Variants in DCDC2 observed in about 807,000 individuals in gnomAD.
DCDC2 encodes doublecortin domain containing 2.
DCDC2 carries 40 observed loss-of-function variants against 50.2 expected under a neutral mutation model. The ratio of observed to expected loss-of-function variants is 0.80; its 90% CI spans 0.62 to 1.04. The LOEUF is 1.04. Among genes scored for constraint, DCDC2 ranks in the 50% least tolerant of loss-of-function variants. The pLI is 0.00. For synonymous variants in DCDC2, 234 were observed against 210.6 expected (o/e 1.11, Z -0.96); for missense variants, 570 against 581.9 (o/e 0.98, Z 0.21).
chr6:24,182,433 A>C (rs1028289016), intron 8 of DCDC2, among the ~76,000 whole-genome samples: 9 of 152,112 alleles, frequency 5.9e-5, no homozygotes, highest in Non-Finnish European at 1.3e-4. Flanking sequence ...GATATCTAGA[A>C]TATATAGGGA....
At chr6:24,249,935 T>C (rs1406358838) in intron 7 of DCDC2, among the ~76,000 whole-genome samples, 5 of 152,238 alleles carry the variant, frequency 3.3e-5, no homozygotes, top group Admixed American at 6.5e-5. Context: ...GAATGAAATA[T>C]ATTGCTCACT....
At chr6:24,177,529 G>A (rs73726608) in intron 9 of DCDC2, among the ~76,000 whole-genome samples, 2,966 of 152,230 alleles carry the variant, frequency 0.019, 79 homozygotes, top group African/African-American at 0.062. Context: ...TTGAACTGAC[G>A]GATAGACAGG....
intron 7 of DCDC2, among the ~76,000 whole-genome samples, chr6:24,206,696 G>A (rs1761723293): frequency 6.6e-6 from 1 of 152,126 alleles, no homozygotes; most frequent in African/African-American, 2.4e-5. Flanking sequence ...TTTAGAATAA[G>A]CATTTTACCA....
chr6:24,289,861 T>G (rs1763700896), intron 5 of DCDC2, among the ~76,000 whole-genome samples: 1 of 151,816 alleles, frequency 6.6e-6, no homozygotes, highest in Non-Finnish European at 1.5e-5. Context: ...AAAAAAAATT[T>G]TTTTTTGCAA....
At chr6:24,275,866 ATTTTTTT>A (rs10685261) in intron 7 of DCDC2, among the ~76,000 whole-genome samples, 1 of 108,120 alleles carries the variant, frequency 9.2e-6, no homozygotes, top group Non-Finnish European at 1.8e-5. Flanking sequence ...CAATAATTCA[ATTTTTTT>A]TTTTTTTTTT....
intron 4 of DCDC2, among the ~76,000 whole-genome samples, chr6:24,292,201 T>C (rs1298016882): frequency 6.6e-6 from 1 of 152,168 alleles, no homozygotes; most frequent in African/African-American, 2.4e-5. Flanking sequence ...AAAATAAGTA[T>C]TAGAAAACTA....
chr6:24,355,350 T>A (rs1415047945), intron 1 of DCDC2, among the ~76,000 whole-genome samples: 1 of 152,134 alleles, frequency 6.6e-6, no homozygotes, highest in Non-Finnish European at 1.5e-5. Flanking sequence ...GTCTACAATT[T>A]TCAGCCGTTC....
chr6:24,353,428 T>C lies in DCDC2; in HGVS notation c.348+141A>G, dbSNP rs897636131. 9 of 661,744 alleles carry C rather than the reference T, an allele frequency of 1.4e-5. No homozygotes were observed. In the Admixed American group the frequency reaches 2.2e-4, roughly 16 times the overall value. The allele number at this position is 661,744 out of a possible 1,614,324, so 41.0% of individuals were successfully genotyped here. A position where few individuals can be genotyped will look rare whatever the true frequency, so the allele number is the denominator to read the frequency against. On this transcript the variant is annotated intron_variant, in intron 2 of 9. Coordinates refer to ENST00000378454, the MANE Select transcript of DCDC2 (RefSeq NM_016356.5). ...CAATGATTCAAAGAAAGAATTATCT[T>C]TGCCTTAAAACATATAATGTTCCAT...
At chr6:24,354,876 A>C (rs1581668047) in intron 1 of DCDC2, among the ~76,000 whole-genome samples, 2 of 152,172 alleles carry the variant, frequency 1.3e-5, no homozygotes, top group East Asian at 3.8e-4. Flanking sequence ...TATTAGAAAA[A>C]TCTAAGTGAA....
Position 24,357,899 on chromosome 6 carries a change from C to A in DCDC2, c.-149G>T. On this transcript the variant is annotated 5_prime_UTR_variant, in exon 1 of 10. Coordinates refer to ENST00000378454, the MANE Select transcript of DCDC2 (RefSeq NM_016356.5). ...CCACAGGTGAAAGAGAAGTAACGGC[C>A]GTGCGCCTAGGCGTCCACCCAGAGG... 1 of 1,539,524 alleles carries A rather than the reference C, an allele frequency of 6.5e-7. No individual in the cohort carries two copies. Among genetic ancestry groups the A allele is most frequent in the Non-Finnish European group, 8.7e-7 (1 of 1,143,402 alleles).
At chr6:24,176,962 T>C (rs1760930110) in intron 9 of DCDC2, among the ~76,000 whole-genome samples, 1 of 152,252 alleles carries the variant, frequency 6.6e-6, no homozygotes, top group Admixed American at 6.5e-5. Flanking sequence ...GTTATATTTA[T>C]GGAAGATGGA....
At chr6:24,307,794 G>A (rs1759500214) in intron 2 of DCDC2, among the ~76,000 whole-genome samples, 1 of 151,620 alleles carries the variant, frequency 6.6e-6, no homozygotes, top group Admixed American at 6.6e-5. Flanking sequence ...TTTTTTAAAT[G>A]GGAGAAAGAC....
intron 4 of DCDC2, among the ~76,000 whole-genome samples, chr6:24,298,445 T>C (rs1376608635): frequency 6.6e-6 from 1 of 152,230 alleles, no homozygotes; most frequent in Non-Finnish European, 1.5e-5. Context: ...ACCTTGGTCA[T>C]TTAGAACACA....
intron 7 of DCDC2, among the ~76,000 whole-genome samples, chr6:24,266,922 T>C (rs1763134441): frequency 6.6e-6 from 1 of 152,082 alleles, no homozygotes; most frequent in Non-Finnish European, 1.5e-5. Flanking sequence ...CATCAACAGA[T>C]GAATGAATAA....
At chr6:24,311,283 C>T (rs558948336) in intron 2 of DCDC2, among the ~76,000 whole-genome samples, 2 of 152,240 alleles carry the variant, frequency 1.3e-5, no homozygotes, top group African/African-American at 2.4e-5. Context: ...ACTTTTCATG[C>T]AATACTTTTT....
chr6:24,274,702 A>G (rs185704742), intron 7 of DCDC2, among the ~76,000 whole-genome samples: 79 of 152,044 alleles, frequency 5.2e-4, no homozygotes, highest in Admixed American at 4.9e-3. Flanking sequence ...AGCATTGCAC[A>G]TTCATACAGC....
At chr6:24,380,522 C>A in the DCDC2 span, among the ~76,000 whole-genome samples, 1 of 152,100 alleles carries the variant, frequency 6.6e-6, no homozygotes, top group Non-Finnish European at 1.5e-5. Flanking sequence ...GCATGAGCTA[C>A]CAGAGAAGGA....
At chr6:24,313,708 A>G (rs764528988) in intron 2 of DCDC2, among the ~76,000 whole-genome samples, 3 of 152,230 alleles carry the variant, frequency 2.0e-5, no homozygotes, top group East Asian at 3.8e-4. Flanking sequence ...GAATGTGCCA[A>G]CTGTACATGA....
chr6:24,360,695 A>T (rs12525718), upstream of DCDC2, among the ~76,000 whole-genome samples: 17,556 of 152,140 alleles, frequency 0.12, 1,384 homozygotes, highest in East Asian at 0.17. Flanking sequence ...TCCTCCTAAG[A>T]CTTTTCTACC....
Sources: gnomAD v4.1 joint callset for allele counts (sites outside exome capture counted in the v4.1 genomes callset) on GRCh38, gnomAD v4.1.1 for gene constraint, MANE v1.5 for transcripts, NCBI Gene and HGNC (gene_info 2026-07-23, HGNC 2026-07-21) for gene names.